SH3RF3: variants seen among roughly 807,000 people sequenced by gnomAD.
SH3RF3 encodes the protein SH3 domain containing ring finger 3.
SH3RF3 carries 29 observed loss-of-function variants against 66.3 expected under a neutral mutation model. The observed-to-expected ratio is 0.44, with a 90% CI of 0.33 to 0.60. The LOEUF (loss-of-function observed/expected upper bound fraction) is 0.60, where lower values mean the gene tolerates loss of function less well. Among genes scored for constraint, SH3RF3 ranks in the 20% least tolerant of loss-of-function variants. The pLI is 0.04. For missense variants in SH3RF3, 1,194 were observed against 1,190.9 expected, an observed-to-expected ratio of 1.00 and a Z score of -0.04; for synonymous variants, 583 against 532.0, an observed-to-expected ratio of 1.10 and a Z score of -1.32.
chr2:109,134,001 T>C (rs2104806097), intron 1 of SH3RF3, among the ~76,000 whole-genome samples: 1 of 152,268 alleles, frequency 6.6e-6, no homozygotes, highest in East Asian at 1.9e-4. Flanking sequence ...ATAGAGGGTG[T>C]CTATGGTATC....
rs548171969 is a variant in SH3RF3 at position 109,256,859 on chromosome 2, C to T, written c.574-90815C>T. On this transcript the variant is annotated intron_variant, in intron 1 of 9. Transcript: ENST00000309415. ...GGGGGTGTCCCTTGTCTTCCATTGT[C>T]CCGGAGACTAACCATCAGCCTCTAC... Among the ~76,000 whole-genome samples, 7 of 152,248 alleles carry T rather than the reference C, an allele frequency of 4.6e-5. No individual in the cohort carries two copies. The South Asian group carries it at 1.5e-3, about 32-fold the overall frequency.
chr2:109,197,233 G>A (rs917772987), intron 1 of SH3RF3, among the ~76,000 whole-genome samples: 1 of 152,192 alleles, frequency 6.6e-6, no homozygotes, highest in Admixed American at 6.5e-5. Context: ...TCAGGGACCA[G>A]GTCAGGGGGC....
chr2:109,286,925 CAGTG>C (rs1681042095), intron 1 of SH3RF3, among the ~76,000 whole-genome samples: 1 of 152,220 alleles, frequency 6.6e-6, no homozygotes, highest in African/African-American at 2.4e-5. Context: ...TCTGAAAAGA[CAGTG>C]AGCATTTGTG....
chr2:109,458,572 C>CAGAGGGAGAGAG (rs1678122673), intron 8 of SH3RF3, among the ~76,000 whole-genome samples: 1 of 122,978 alleles, frequency 8.1e-6, no homozygotes, highest in Non-Finnish European at 1.8e-5. Context: ...CAGCAGGAGA[C>CAGAGGGAGAGAG]AGAGAGAGAG....
At chr2:109,313,791 G>T (rs1471039373) in intron 1 of SH3RF3, among the ~76,000 whole-genome samples, 2 of 152,256 alleles carry the variant, frequency 1.3e-5, no homozygotes, top group Non-Finnish European at 2.9e-5. Flanking sequence ...GGCAGCTGTG[G>T]CAGCATGAGT....
intron 4 of SH3RF3, among the ~76,000 whole-genome samples, chr2:109,400,795 G>A (rs1676294933): frequency 6.6e-6 from 1 of 152,234 alleles, no homozygotes; most frequent in African/African-American, 2.4e-5. Flanking sequence ...TAACCGTGCA[G>A]TCATCTGCCC....
At chr2:109,424,894 G>C (rs1016146061) in intron 5 of SH3RF3, among the ~76,000 whole-genome samples, 2 of 152,188 alleles carry the variant, frequency 1.3e-5, no homozygotes, top group Non-Finnish European at 2.9e-5. Flanking sequence ...CTCACTTTAA[G>C]TCAAAAGTTA....
chr2:109,456,802 G>A (rs947208126), intron 8 of SH3RF3, among the ~76,000 whole-genome samples: 1 of 152,236 alleles, frequency 6.6e-6, no homozygotes, highest in Non-Finnish European at 1.5e-5. Flanking sequence ...AATGAAACCA[G>A]GCTCCATGGT....
At chr2:109,203,563 C>T (rs1445375618) in intron 1 of SH3RF3, among the ~76,000 whole-genome samples, 1 of 152,138 alleles carries the variant, frequency 6.6e-6, no homozygotes, top group Non-Finnish European at 1.5e-5. Flanking sequence ...TGGGACTGCT[C>T]CATGTGGTTC....
At chr2:109,317,739 C>T (rs1265930023) in intron 1 of SH3RF3, among the ~76,000 whole-genome samples, 1 of 152,170 alleles carries the variant, frequency 6.6e-6, no homozygotes, top group Non-Finnish European at 1.5e-5. Flanking sequence ...GCGAGGGTGC[C>T]TCCCTGTGAA....
chr2:109,439,809 C>T (rs1677510084), intron 7 of SH3RF3, among the ~76,000 whole-genome samples: 1 of 151,658 alleles, frequency 6.6e-6, no homozygotes, highest in African/African-American at 2.4e-5. Flanking sequence ...CCAGACAAGC[C>T]CCATTTCCAC....
At chr2:109,477,922 G>T (rs954614753) in intron 8 of SH3RF3, among the ~76,000 whole-genome samples, 2 of 152,198 alleles carry the variant, frequency 1.3e-5, no homozygotes, top group African/African-American at 4.8e-5. Context: ...CACACCCTTG[G>T]CATGGACCTG....
intron 9 of SH3RF3, among the ~76,000 whole-genome samples, chr2:109,492,123 A>G (rs1191222642): frequency 6.6e-6 from 1 of 152,188 alleles, no homozygotes; most frequent in African/African-American, 2.4e-5. Context: ...CACACACTGT[A>G]TGTAGATGAA....
At chr2:109,461,798 G>A (rs1678213740) in intron 8 of SH3RF3, among the ~76,000 whole-genome samples, 1 of 152,208 alleles carries the variant, frequency 6.6e-6, no homozygotes, top group Non-Finnish European at 1.5e-5. Context: ...ACAGCAGCCT[G>A]GACCTGTTGC....
At chr2:109,416,268 C>T (rs1016747845) in intron 4 of SH3RF3, among the ~76,000 whole-genome samples, 3 of 152,040 alleles carry the variant, frequency 2.0e-5, no homozygotes, top group Non-Finnish European at 4.4e-5. Flanking sequence ...GGCCTGTGCA[C>T]GCTGAACTTC....
chr2:109,344,494 C>T (rs73955549), intron 1 of SH3RF3, among the ~76,000 whole-genome samples: 2,743 of 152,326 alleles, frequency 0.018, 86 homozygotes, highest in African/African-American at 0.062. Context: ...CCTCGGCTGC[C>T]GTGCCGAGGA....
chr2:109,235,775 C>T (rs930581812), intron 1 of SH3RF3, among the ~76,000 whole-genome samples: 9 of 152,210 alleles, frequency 5.9e-5, no homozygotes, highest in African/African-American at 2.2e-4. Context: ...TACTGAGCCC[C>T]TCTCTCCCTG....
At chr2:109,281,689 A>G (rs1163705400) in intron 1 of SH3RF3, among the ~76,000 whole-genome samples, 1 of 152,146 alleles carries the variant, frequency 6.6e-6, no homozygotes, top group African/African-American at 2.4e-5. Context: ...TCTTAGATTC[A>G]GGGTAGAGGA....
intron 1 of SH3RF3, among the ~76,000 whole-genome samples, chr2:109,184,950 C>T (rs946955694): frequency 6.6e-6 from 1 of 152,190 alleles, no homozygotes; most frequent in African/African-American, 2.4e-5. Context: ...TTTATTTCCA[C>T]CTGAAAAATA....
Sources: gnomAD v4.1 joint callset for allele counts (sites outside exome capture counted in the v4.1 genomes callset) on GRCh38, gnomAD v4.1.1 for gene constraint, MANE v1.5 for transcripts, NCBI Gene and HGNC (gene_info 2026-07-23, HGNC 2026-07-21) for gene names.